TMEM255B: variants seen among roughly 807,000 people sequenced by gnomAD.
TMEM255B encodes family with sequence similarity 70, member B.
A neutral mutation model predicts 34.5 loss-of-function variants in TMEM255B; 35 were observed. The ratio of observed to expected loss-of-function variants is 1.01; its 90% CI spans 0.77 to 1.34. TMEM255B has a LOEUF of 1.34. Ranked by LOEUF, TMEM255B falls within the 40% of genes most tolerant of loss-of-function variation. The pLI is 0.00. For synonymous variants in TMEM255B, 206 were observed against 201.2 expected (o/e 1.02, Z -0.20); for missense variants, 432 against 433.2 (o/e 1.00, Z 0.02).
At chr13:113,787,581 G>A (rs781309908) in intron 3 of TMEM255B, among the ~76,000 whole-genome samples, 5 of 152,164 alleles carry the variant, frequency 3.3e-5, no homozygotes, top group Admixed American at 6.5e-5. Context: ...GTGGTTCTGG[G>A]ACACCCGCAT....
chr13:113,771,481 A>C (rs1220016408), intron 3 of TMEM255B, among the ~76,000 whole-genome samples: 1 of 152,150 alleles, frequency 6.6e-6, no homozygotes, highest in Admixed American at 6.5e-5. Flanking sequence ...GGAGTTCAAG[A>C]CCAGCCTGAC....
intron 1 of TMEM255B, chr13:113,761,207 C>T (rs1327572107): frequency 2.0e-6 from 2 of 985,266 alleles, no homozygotes; most frequent in African/African-American, 3.5e-5. Context: ...GTCCGGCTGG[C>T]AGGAAGGCCG....
At chr13:113,799,650 A>G (rs1471440494) in intron 5 of TMEM255B, 1 of 637,052 alleles carries the variant, frequency 1.6e-6, no homozygotes, top group Non-Finnish European at 2.9e-6. Context: ...TTAAATCACA[A>G]CAGTCTCAGA....
intron 6 of TMEM255B, among the ~76,000 whole-genome samples, chr13:113,801,132 C>T (rs977029470): frequency 1.3e-5 from 2 of 152,200 alleles, no homozygotes; most frequent in African/African-American, 2.4e-5. Flanking sequence ...GCACCTACAT[C>T]GTCTCCTTTA....
At chr13:113,761,245 AC>A in intron 1 of TMEM255B, 1 of 985,174 alleles carries the variant, frequency 1.0e-6, no homozygotes, top group Non-Finnish European at 1.2e-6. Context: ...AAGCAGTGCC[AC>A]CTCCCATGCT....
chr13:113,805,483 C>T lies in TMEM255B; in HGVS notation c.813+455C>T, dbSNP rs115388532. 9.3e-3 allele frequency among the ~76,000 whole-genome samples: 1,411 copies of T among 152,246 alleles called. 18 individuals are homozygous for T. The highest frequency in any genetic ancestry group is 0.032 in the African/African-American group (1,334 of 41,548). Reference sequence around the variant, plus strand: ...ATGATGCTATTGACCTTGGAGATGACGGAGGGAGAGGCCATGGTGGGGGGC... The same window carrying T: ...ATGATGCTATTGACCTTGGAGATGATGGAGGGAGAGGCCATGGTGGGGGGC... On this transcript the variant is annotated intron_variant, in intron 8 of 8. Coordinates refer to ENST00000375353, the MANE Select transcript of TMEM255B (RefSeq NM_182614.4).
intron 4 of TMEM255B, 101 bp from the exon 5 acceptor site, chr13:113,799,238 T>C (rs1024298796): frequency 1.4e-5 from 16 of 1,121,582 alleles, no homozygotes; most frequent in Non-Finnish European, 2.0e-5. Context: ...GCCTTGGTCC[T>C]TGAGGCCCTG....
intron 3 of TMEM255B, among the ~76,000 whole-genome samples, chr13:113,786,364 C>T (rs1407881773): frequency 6.6e-6 from 1 of 151,284 alleles, no homozygotes; most frequent in Non-Finnish European, 1.5e-5. Context: ...CTGTAATTAC[C>T]GTCTTCACTG....
At position 113,766,271 on chromosome 13, in the gene TMEM255B, G is replaced by T; in HGVS notation, c.189+14G>T. 1 of 1,613,704 alleles carries T rather than the reference G, an allele frequency of 6.2e-7. No individual in the cohort carries two copies. The highest frequency in any genetic ancestry group is 1.1e-5 in the South Asian group (1 of 91,078). ...CCAGGGATCATTGTGAGTGCGCCGG[G>T]CGGGCGGCCTGGGCCGGGGAGGGCA... is the stretch of plus-strand genomic sequence containing the variant. On this transcript the variant is annotated intron_variant, in intron 2 of 8. Transcript: ENST00000375353.
At chr13:113,768,328 G>A (rs554558185) in intron 2 of TMEM255B, 125 of 446,192 alleles carry the variant, frequency 2.8e-4, no homozygotes, top group African/African-American at 1.8e-3. Flanking sequence ...CCAGGTGGGC[G>A]TCACCTGCCA....
In TMEM255B at chr13:113,813,300, C is replaced by T; in HGVS notation, c.*1397C>T. 6.6e-6 allele frequency: 1 copy of T among 152,500 alleles called. No homozygotes were observed. 9.4% of individuals were successfully genotyped at this position (152,500 alleles called of 1,614,324 possible). A position where few individuals can be genotyped will look rare whatever the true frequency, so the allele number is the denominator to read the frequency against. ...CCCCTCGGAAGCTGGCGCCTCCAGG[C>T]CTCACCGCTCTCAGGGCCTCACGTC... On this transcript the variant is annotated 3_prime_UTR_variant, in exon 9 of 9. Transcript: ENST00000375353.
chr13:113,787,012 G>A (rs3936213), intron 3 of TMEM255B, among the ~76,000 whole-genome samples: 62,918 of 152,046 alleles, frequency 0.41, 14,361 homozygotes, highest in East Asian at 0.73. Flanking sequence ...AATGGGCCCC[G>A]TAAGGCACTT....
chr13:113,800,301 CTGTGTGTGTGTGTGTGTGTGTG>C (rs1220505809), intron 5 of TMEM255B, among the ~76,000 whole-genome samples: 8 of 97,100 alleles, frequency 8.2e-5, no homozygotes, highest in East Asian at 3.9e-4. Flanking sequence ...GAGGCGTCCT[CTGTGTGTGTGTGTGTGTGTGTG>C]TGTGTGTGTG....
Position 113,816,451 on chromosome 13 carries a change from G to A in TMEM255B, c.*4548G>A. On this transcript the variant is annotated 3_prime_UTR_variant, in exon 9 of 9. Transcript: ENST00000375353. ...ATTGCTGTGTGAATCACATCTCCATGGAAACGGGAGTGGGAGAAACGGGCC... is the reference window on the plus strand; with the variant it reads ...ATTGCTGTGTGAATCACATCTCCATAGAAACGGGAGTGGGAGAAACGGGCC... The A allele has an allele frequency of 6.5e-6, 1 of 154,348 alleles. No individual in the cohort carries two copies. Among genetic ancestry groups the A allele is most frequent in the South Asian group, 1.9e-4 (1 of 5,402 alleles). The allele number at this position is 154,348 out of a possible 1,614,324, so 9.6% of individuals were successfully genotyped here.
At chr13:113,801,353 C>T (rs1364268822) in intron 6 of TMEM255B, among the ~76,000 whole-genome samples, 2 of 152,224 alleles carry the variant, frequency 1.3e-5, no homozygotes, top group Non-Finnish European at 2.9e-5. Flanking sequence ...GGCGTGAAGA[C>T]AGAGATGGCT....
At chr13:113,801,836 C>A in intron 7 of TMEM255B, 24 bp downstream of exon 7, 1 of 1,561,748 alleles carries the variant, frequency 6.4e-7, no homozygotes, top group Non-Finnish European at 8.7e-7. Flanking sequence ...GTGGGACCCC[C>A]GCTGCTCACT....
intron 8 of TMEM255B, among the ~76,000 whole-genome samples, chr13:113,807,672 T>C (rs1371020459): frequency 1.7e-5 from 2 of 119,742 alleles, no homozygotes; most frequent in East Asian, 2.7e-4. Flanking sequence ...TGGGGGGCGG[T>C]CCTCCCCGTC....
At chr13:113,802,594 G>C (rs1469238184) in intron 7 of TMEM255B, among the ~76,000 whole-genome samples, 2 of 136,398 alleles carry the variant, frequency 1.5e-5, no homozygotes, top group Admixed American at 7.2e-5. Flanking sequence ...ACCCGGCCCA[G>C]CGAGGCAGCG....
At chr13:113,790,600 A>G (rs112532152) in intron 3 of TMEM255B, among the ~76,000 whole-genome samples, 155 of 127,462 alleles carry the variant, frequency 1.2e-3, no homozygotes, top group African/African-American at 4.4e-3. Flanking sequence ...CCGGACACGT[A>G]GACATCCTAG....
Sources: allele counts gnomAD v4.1 joint callset (sites outside exome capture counted in the v4.1 genomes callset), GRCh38; gene constraint gnomAD v4.1.1; transcripts MANE v1.5; gene names NCBI Gene and HGNC (gene_info 2026-07-23, HGNC 2026-07-21).